The following FAM163B variants were observed in gnomAD, a reference collection of about 807,000 sequenced individuals.
FAM163B encodes family with sequence similarity 163 member B.
In FAM163B, 4 loss-of-function variants were observed where a neutral mutation model predicts 7.6. That is an observed-to-expected ratio of 0.52 (90% confidence interval 0.26 to 1.20). The LOEUF (loss-of-function observed/expected upper bound fraction) is 1.20. FAM163B is among the 50% of genes most tolerant of loss of function. FAM163B has a pLI of 0.14. For synonymous variants in FAM163B, 120 were observed against 111.6 expected (o/e 1.07, Z -0.47); for missense variants, 250 against 243.0 (o/e 1.03, Z -0.19).
At chr9:133,608,400 G>GTGT (rs1403046647) in intron 1 of FAM163B, among the ~76,000 whole-genome samples, 1 of 152,202 alleles carries the variant, frequency 6.6e-6, no homozygotes, top group African/African-American at 2.4e-5. Flanking sequence ...GGTTTTTGGT[G>GTGT]TGTAGAGTCT....
intron 1 of FAM163B, among the ~76,000 whole-genome samples, chr9:133,596,610 G>A (rs575806562): frequency 2.0e-5 from 3 of 152,280 alleles, no homozygotes; most frequent in African/African-American, 7.2e-5. Flanking sequence ...AGGCTATGGT[G>A]CAGGGAGCTC....
At chr9:133,592,316 A>G (rs909018479) in intron 1 of FAM163B, among the ~76,000 whole-genome samples, 4 of 152,178 alleles carry the variant, frequency 2.6e-5, no homozygotes, top group Non-Finnish European at 5.9e-5. Flanking sequence ...CAGGGAGCAG[A>G]GATGCATCCC....
In FAM163B at chr9:133,578,213, C is replaced by T. The variant is rs375526711; in HGVS notation, c.*809G>A. Among the ~76,000 whole-genome samples, 56 of 152,276 alleles carry T rather than the reference C, an allele frequency of 3.7e-4. No individual in the cohort carries two copies. The highest frequency in any genetic ancestry group is 6.8e-3 in the Middle Eastern group (2 of 294). On this transcript the variant is annotated 3_prime_UTR_variant, in exon 3 of 3. Coordinates refer to ENST00000673969, the MANE Select transcript of FAM163B (RefSeq NM_001080515.3). ...GCCCCGGGCTGCCTCCGTTCACTGC[C>T]GCTTGCTGGCCCTGTTTCTGGCTGA...
chr9:133,608,994 G>C (rs1306500909), intron 1 of FAM163B, among the ~76,000 whole-genome samples, 83 bp downstream of exon 1: 1 of 152,236 alleles, frequency 6.6e-6, no homozygotes, highest in Non-Finnish European at 1.5e-5. Flanking sequence ...TGGGCACTCT[G>C]GACGAGTGGG....
rs1474624300 is a variant in FAM163B, at chr9:133,600,716, T to TA, written c.-24+8360dup. On this transcript the variant is annotated intron_variant, in intron 1 of 2. Transcript: ENST00000673969. The surrounding 1 kb of genome is among the most constrained non-coding windows in gnomAD (Gnocchi z 4.9). Reference sequence around the variant, plus strand: ...CTCCCAGAATCTTAAAGCCACATTTTAGAGTCTTAAAAATCAGAACATGCA... The same window carrying TA: ...CTCCCAGAATCTTAAAGCCACATTTTAAGAGTCTTAAAAATCAGAACATGCA... Among the ~76,000 whole-genome samples, 16 of 63,292 alleles carry TA rather than the reference T, an allele frequency of 2.5e-4. No homozygotes were observed. The highest frequency in any genetic ancestry group is 4.7e-4 in the Non-Finnish European group (16 of 34,158). 41.5% of individuals were successfully genotyped at this position (63,292 alleles called of 152,430 possible).
intron 1 of FAM163B, among the ~76,000 whole-genome samples, chr9:133,599,636 A>G (rs2318359): frequency 0.78 from 116,458 of 149,654 alleles, 45,829 homozygotes; most frequent in African/African-American, 0.92. Flanking sequence ...ATGTATGTGT[A>G]AGTGTGCATG....
chr9:133,583,070 G>T (rs1831380046), intron 1 of FAM163B, among the ~76,000 whole-genome samples: 1 of 152,206 alleles, frequency 6.6e-6, no homozygotes, highest in African/African-American at 2.4e-5. Context: ...GGTAATTATG[G>T]CCCCACTTCA....
rs901705165 is a variant in FAM163B at position 133,579,028 on chromosome 9, G to A, written c.495C>T (p.Asp165=). 17 of 1,540,050 alleles carry A rather than the reference G, an allele frequency of 1.1e-5. No homozygotes were observed. The highest frequency in any genetic ancestry group is 4.9e-5 in the South Asian group (4 of 82,250). The change falls in exon 3 of 3, where the codon GAC becomes GAT. Residue 165 remains aspartate, a synonymous_variant. Coordinates refer to ENST00000673969, the MANE Select transcript of FAM163B (RefSeq NM_001080515.3). ...TCCCGGGGGCGGGCCCAGGTCACACGTCGGTGCTGATGCTGCGGCTCCTGG... is the reference window on the plus strand; with the variant it reads ...TCCCGGGGGCGGGCCCAGGTCACACATCGGTGCTGATGCTGCGGCTCCTGG... ...AFARSRSIST[D]V
rs917159632 is a variant in FAM163B at position 133,578,142 on chromosome 9, A to G, written c.*880T>C. 6.6e-6 allele frequency among the ~76,000 whole-genome samples: 1 copy of G among 150,432 alleles called. No homozygotes were observed. The highest frequency in any genetic ancestry group is 6.6e-5 in the Admixed American group (1 of 15,118). On this transcript the variant is annotated 3_prime_UTR_variant, in exon 3 of 3. Coordinates refer to ENST00000673969, the MANE Select transcript of FAM163B (RefSeq NM_001080515.3). The stretch of plus-strand genomic sequence containing the variant: ...GAAGGGCCAGCCAAGTCTCACGGGG[A>G]ACTCGGGGGTTTTCAACCCCTGGGC...
chr9:133,590,436 C>G (rs1407574855), intron 1 of FAM163B, among the ~76,000 whole-genome samples: 3 of 152,170 alleles, frequency 2.0e-5, no homozygotes, highest in Non-Finnish European at 2.9e-5. Flanking sequence ...GGGGGCTCCC[C>G]GGTGCTTCAG....
intron 1 of FAM163B, among the ~76,000 whole-genome samples, chr9:133,605,811 C>A (rs1831782513): frequency 2.6e-5 from 4 of 152,148 alleles, no homozygotes. Flanking sequence ...CGTCTCCCAT[C>A]ACCCCAACAC....
intron 1 of FAM163B, among the ~76,000 whole-genome samples, chr9:133,582,136 T>C (rs746278578): frequency 1.8e-4 from 28 of 152,076 alleles, no homozygotes; most frequent in Non-Finnish European, 3.8e-4. Context: ...CTGAGGTTTG[T>C]GGCTGTGTGT....
At chr9:133,592,611 C>A (rs1831571225) in intron 1 of FAM163B, among the ~76,000 whole-genome samples, 1 of 152,216 alleles carries the variant, frequency 6.6e-6, no homozygotes, top group Admixed American at 6.5e-5. Context: ...TCTGCCAACT[C>A]GCAGCCACTC....
intron 1 of FAM163B, among the ~76,000 whole-genome samples, chr9:133,599,634 GTA>G (rs1251746450): frequency 2.9e-3 from 433 of 151,814 alleles, no homozygotes; most frequent in African/African-American, 9.4e-3. Flanking sequence ...GCATGTATGT[GTA>G]AGTGTGCATG....
chr9:133,577,635 C>T lies in FAM163B; in HGVS notation c.*1387G>A, dbSNP rs975545856. Among the ~76,000 whole-genome samples, 11 of 152,228 alleles carry T rather than the reference C, an allele frequency of 7.2e-5. No individual in the cohort carries two copies. The highest frequency in any genetic ancestry group is 2.4e-4 in the African/African-American group (10 of 41,470). Reference sequence around the variant, plus strand: ...TTCCCTGGGCAGAGAGGGGCTGCCCCGGCCCTGGGGCTCCATGGCAGGGCA... The same window carrying T: ...TTCCCTGGGCAGAGAGGGGCTGCCCTGGCCCTGGGGCTCCATGGCAGGGCA... On this transcript the variant is annotated 3_prime_UTR_variant, in exon 3 of 3. Coordinates refer to ENST00000673969, the MANE Select transcript of FAM163B (RefSeq NM_001080515.3).
chr9:133,608,449 A>AC (rs141900341), intron 1 of FAM163B, among the ~76,000 whole-genome samples: 10,689 of 142,292 alleles, frequency 0.075, 486 homozygotes, highest in Middle Eastern at 0.13. Flanking sequence ...TCAGTTAGGC[A>AC]ACCCCCCACC....
chr9:133,578,833 T>G lies in FAM163B; in HGVS notation c.*189A>C. ...AGCTGTGCCTCCCCCCAGGACACAT[T>G]TGTGTTCAATGAGCCTTATCCCTGC... On this transcript the variant is annotated 3_prime_UTR_variant, in exon 3 of 3. Transcript: ENST00000673969. 1 of 1,109,114 alleles carries G rather than the reference T, an allele frequency of 9.0e-7. No homozygotes were observed. The highest frequency in any genetic ancestry group is 1.2e-6 in the Non-Finnish European group (1 of 817,084). The allele number at this position is 1,109,114 out of a possible 1,614,324, so 68.7% of individuals were successfully genotyped here. A position where few individuals can be genotyped will look rare whatever the true frequency, so the allele number is the denominator to read the frequency against.
At position 133,577,838 on chromosome 9, in the gene FAM163B, G is replaced by C. The variant is rs745721399; in HGVS notation, c.*1184C>G. Among the ~76,000 whole-genome samples the C allele has an allele frequency of 6.6e-6, 1 of 152,228 alleles. No homozygotes were observed. Among genetic ancestry groups the C allele is most frequent in the Non-Finnish European group, 1.5e-5 (1 of 68,034 alleles). Reference sequence around the variant, plus strand: ...GTCATTTCCTTAGCAGCAGGAGAGCGGGTGAGAATTCCCAGGAGACCTCAG... The same window carrying C: ...GTCATTTCCTTAGCAGCAGGAGAGCCGGTGAGAATTCCCAGGAGACCTCAG... On this transcript the variant is annotated 3_prime_UTR_variant, in exon 3 of 3. Coordinates refer to ENST00000673969, the MANE Select transcript of FAM163B (RefSeq NM_001080515.3).
Position 133,582,882 on chromosome 9 carries a change from G to C in FAM163B, c.-23-2636C>G, listed in dbSNP as rs905412384. 2.4e-3 allele frequency among the ~76,000 whole-genome samples: 365 copies of C among 152,362 alleles called. 3 individuals are homozygous for C. Among genetic ancestry groups the C allele is most frequent in the African/African-American group, 8.5e-3 (352 of 41,582 alleles). ...GGGGTTTTCAGCCACATGTTGGAGA[G>C]TCAGAAGGCGCTGGTCCCCGGAGGG... On this transcript the variant is annotated intron_variant, in intron 1 of 2. Transcript: ENST00000673969.
Sources: gnomAD v4.1 joint callset for allele counts (sites outside exome capture counted in the v4.1 genomes callset) on GRCh38, gnomAD v4.1.1 for gene constraint, Gnocchi (gnomAD v3.1) non-coding constraint, MANE v1.5 for transcripts, NCBI Gene and HGNC (gene_info 2026-07-23, HGNC 2026-07-21) for gene names.